The following REXO5 variants were observed in gnomAD, a reference collection of about 807,000 sequenced individuals.
REXO5 encodes the protein exonuclease NEF-sp.
A neutral mutation model predicts 88.5 loss-of-function variants in REXO5; 48 were observed. The observed-to-expected ratio is 0.54, with a 90% confidence interval of 0.43 to 0.69. REXO5 has a LOEUF of 0.69. REXO5 is among the 30% of genes least tolerant of loss of function. The probability of loss-of-function intolerance (pLI) is 0.00; values close to 1 mark genes in which losing one functional copy is unlikely to be tolerated. For missense variants in REXO5, 749 were observed against 912.2 expected, an observed-to-expected ratio of 0.82 and a Z score of 2.30; for synonymous variants, 311 against 336.5, an observed-to-expected ratio of 0.92 and a Z score of 0.83.
chr16:20,845,199 G>A lies in REXO5; in HGVS notation c.2082G>A (p.Gly694=), dbSNP rs1367442795. 6.2e-7 allele frequency: 1 copy of A among 1,613,744 alleles called. No homozygotes were observed. Residue 694 remains glycine (G), a synonymous_variant, in exon 18 of 20, where the codon GGG becomes GGA. Coordinates refer to ENST00000261377, the MANE Select transcript of REXO5 (RefSeq NM_030941.3). The part of the protein sequence containing the change: ...GLPPESTRLP[G]LRVVPPPFEQ... Reference sequence around the variant, plus strand: ...CACCTGAATCAACAAGGCTCCCAGGGCTTCGTGTTGTACCTCCCCCCTTTG... The same window carrying A: ...CACCTGAATCAACAAGGCTCCCAGGACTTCGTGTTGTACCTCCCCCCTTTG...
At chr16:20,833,750 T>TA (rs1378960426) in intron 13 of REXO5, among the ~76,000 whole-genome samples, 1 of 152,196 alleles carries the variant, frequency 6.6e-6, no homozygotes, top group Non-Finnish European at 1.5e-5. Context: ...CATTTGAGAG[T>TA]AAGCTGCATA....
intron 2 of REXO5, among the ~76,000 whole-genome samples, chr16:20,810,340 A>T (rs2080977804): frequency 6.6e-6 from 1 of 152,206 alleles, no homozygotes; most frequent in African/African-American, 2.4e-5. Flanking sequence ...ATGTGAATTC[A>T]CATCAGTATC....
chr16:20,832,217 A>T lies in REXO5; in HGVS notation c.1220A>T (p.Glu407Val). 1 of 1,613,042 alleles carries T rather than the reference A, an allele frequency of 6.2e-7. No individual in the cohort carries two copies. Among genetic ancestry groups the T allele is most frequent in the Non-Finnish European group, 8.5e-7 (1 of 1,179,518 alleles). Residue 407 changes from glutamate (E) to valine (V), a missense_variant, in exon 12 of 20, where the codon GAG becomes GTG. Coordinates refer to ENST00000261377, the MANE Select transcript of REXO5 (RefSeq NM_030941.3). ...CAAGAAATACAAGCAGCAGGCCAAG[A>T]GCCTAAAAACACAGCAGAAGTACTT... is the stretch of plus-strand genomic sequence containing the variant. ...NHQEIQAAGQEPKNTAEVLQH... is the reference protein window; with the variant it reads ...NHQEIQAAGQVPKNTAEVLQH...
At chr16:20,813,340 GTTTCT>G in intron 3 of REXO5, 38 bp downstream of exon 3, 2 of 977,322 alleles carry the variant, frequency 2.0e-6, no homozygotes, top group Non-Finnish European at 2.9e-6. Flanking sequence ...TTGACCAGCG[GTTTCT>G]TTTTTTTTTT....
chr16:20,832,136 A>G lies in REXO5; in HGVS notation c.1159-20A>G. On this transcript the variant is annotated intron_variant, in intron 11 of 19. Coordinates refer to ENST00000261377, the MANE Select transcript of REXO5 (RefSeq NM_030941.3). ...ATGCTCTGCAAGCAATTATATTTTT[A>G]CCACTTTGTTTTCTTCAAGATTGCA... 2 of 1,489,046 alleles carry G rather than the reference A, an allele frequency of 1.3e-6. No homozygotes were observed. The highest frequency in any genetic ancestry group is 1.9e-6 in the Non-Finnish European group (2 of 1,080,800). 92.2% of individuals were successfully genotyped at this position (1,489,046 alleles called of 1,614,324 possible).
In REXO5 at chr16:20,849,457, G is replaced by A. The variant is rs568066859; in HGVS notation, c.2302G>A (p.Ala768Thr). ...LMGIKEEEESAGPGLCS is the reference protein window; with the variant it reads ...LMGIKEEEESTGPGLCS The stretch of plus-strand genomic sequence containing the variant: ...GGGAATAAAAGAGGAAGAAGAAAGC[G>A]CTGGCCCAGGCCTGTGTTCGTGAGT... Residue 768 changes from alanine to threonine, a missense_variant, in exon 20 of 20, where the codon GCT becomes ACT. Physicochemically the swap from Ala to Thr is moderately conservative, Grantham distance 58 (BLOSUM62 0). Transcript: ENST00000261377. 1.9e-5 allele frequency: 31 copies of A among 1,614,040 alleles called. No homozygotes were observed. The South Asian group carries it at 2.3e-4, about 12-fold the overall frequency.
chr16:20,844,887 G>C (rs183888140), intron 17 of REXO5, 42 bp downstream of exon 17: 5 of 1,582,274 alleles, frequency 3.2e-6, no homozygotes, highest in Non-Finnish European at 3.5e-6. Flanking sequence ...GAAGGAAACT[G>C]GGGATGGTGA....
chr16:20,826,247 CT>C (rs1488007682), intron 8 of REXO5, among the ~76,000 whole-genome samples: 2 of 152,182 alleles, frequency 1.3e-5, no homozygotes, highest in Non-Finnish European at 2.9e-5. Context: ...TAGAGCTTTG[CT>C]TTCTGATAAG....
At chr16:20,823,546 GC>G (rs1646372397) in intron 6 of REXO5, 1 of 152,178 alleles carries the variant, frequency 6.6e-6, no homozygotes, top group Non-Finnish European at 1.5e-5. Flanking sequence ...AAGGTAGGCA[GC>G]AAATATAGTG....
rs772394017 is a variant in REXO5 at position 20,827,088 on chromosome 16, C to A, written c.852C>A (p.Asn284Lys). 5.0e-6 allele frequency: 8 copies of A among 1,613,954 alleles called. No individual in the cohort carries two copies. The South Asian group carries it at 5.5e-5, about 11-fold the overall frequency. The part of the protein sequence containing the change: ...SFSGITKKIL[N>K]PVTTKLKDVQ... Reference sequence around the variant, plus strand: ...CGGGAATCACGAAGAAGATTCTTAACCCAGTGACGACCAAACTCAAAGATG... The same window carrying A: ...CGGGAATCACGAAGAAGATTCTTAAACCAGTGACGACCAAACTCAAAGATG... Residue 284 changes from asparagine (N) to lysine (K), a missense_variant, in exon 9 of 20, where the codon AAC (asparagine) becomes AAA (lysine). Physicochemically the swap from Asn to Lys is moderately conservative, Grantham distance 94. Transcript: ENST00000261377.
intron 11 of REXO5, 134 bp downstream of exon 11, chr16:20,828,671 G>GT: frequency 1.6e-6 from 1 of 620,640 alleles, no homozygotes; most frequent in East Asian, 3.2e-5. Context: ...GCTCATGCCT[G>GT]TAATCCCAGC....
In REXO5 at chr16:20,843,980, C is replaced by A; in HGVS notation, c.1673C>A (p.Ala558Asp). 3.7e-6 allele frequency: 6 copies of A among 1,608,244 alleles called. No individual in the cohort carries two copies. The highest frequency in any genetic ancestry group is 5.1e-6 in the Non-Finnish European group (6 of 1,174,650). ...GAAGTCCTAGAAGCTGCCCAGCTGG[C>A]CATAGAATCCTTGGATGGTATTCTG... Reference protein sequence around the residue: ...QYEVLEAAQLAIESLDGILVD... With the variant: ...QYEVLEAAQLDIESLDGILVD... Residue 558 changes from alanine to aspartate, a missense_variant, in exon 16 of 20, where the codon GCC (alanine) becomes GAC (aspartate). By Grantham distance (126) the Ala-to-Asp change is moderately radical. Coordinates refer to ENST00000261377, the MANE Select transcript of REXO5 (RefSeq NM_030941.3).
Position 20,817,798 on chromosome 16 carries a change from A to G in REXO5, c.475+1586A>G, listed in dbSNP as rs191786479. Among the ~76,000 whole-genome samples, 37 of 152,276 alleles carry G rather than the reference A, an allele frequency of 2.4e-4. No individual in the cohort carries two copies. In the East Asian group the frequency reaches 5.8e-3, roughly 24 times the overall value. ...TCATCTGTTCTTGCCAAGTTTACCT[A>G]TTAGTTTTCTTTGAATGACTCCTGT... On this transcript the variant is annotated intron_variant, in intron 5 of 19. Coordinates refer to ENST00000261377, the MANE Select transcript of REXO5 (RefSeq NM_030941.3).
At chr16:20,833,168 G>C in intron 13 of REXO5, 45 bp downstream of exon 13, 1 of 1,588,782 alleles carries the variant, frequency 6.3e-7, no homozygotes, top group Non-Finnish European at 8.6e-7. Context: ...CAAAGCAGAG[G>C]GGAATGTAGC....
intron 18 of REXO5, 40 bp downstream of exon 18, chr16:20,845,281 G>A (rs774230988): frequency 1.3e-6 from 2 of 1,546,460 alleles, no homozygotes; most frequent in East Asian, 2.3e-5. Flanking sequence ...TGTCAGGAGA[G>A]TCCTGCTCAG....
intron 5 of REXO5, among the ~76,000 whole-genome samples, chr16:20,817,964 G>A (rs1482150272): frequency 6.6e-6 from 1 of 152,058 alleles, no homozygotes; most frequent in Non-Finnish European, 1.5e-5. Context: ...TCAAATAATG[G>A]TCTCTTCATA....
chr16:20,822,581 C>A (rs2081201465), intron 6 of REXO5, among the ~76,000 whole-genome samples: 1 of 152,232 alleles, frequency 6.6e-6, no homozygotes, highest in African/African-American at 2.4e-5. Flanking sequence ...TTCCCTCCAA[C>A]TCCCTGAGCC....
At chr16:20,834,433 A>G (rs1220489049) in intron 13 of REXO5, among the ~76,000 whole-genome samples, 1 of 152,238 alleles carries the variant, frequency 6.6e-6, no homozygotes, top group African/African-American at 2.4e-5. Context: ...AGGCTCGGCC[A>G]AGTGTTCTTT....
chr16:20,823,037 T>G (rs917537081), intron 6 of REXO5, among the ~76,000 whole-genome samples: 2 of 152,228 alleles, frequency 1.3e-5, no homozygotes, highest in African/African-American at 4.8e-5. Context: ...CTGCACATTC[T>G]TGCCAACATT....
Sources: allele counts gnomAD v4.1 joint callset (sites outside exome capture counted in the v4.1 genomes callset), GRCh38; gene constraint gnomAD v4.1.1; transcripts MANE v1.5; gene names NCBI Gene and HGNC (gene_info 2026-07-23, HGNC 2026-07-21).